The following MMP26 variants were observed in gnomAD, a reference collection of about 807,000 sequenced individuals.
MMP26 encodes the protein matrix metalloproteinase-26.
A neutral mutation model predicts 31.0 loss-of-function variants in MMP26; 33 were observed. That is an observed-to-expected ratio of 1.06 (90% CI 0.81 to 1.42). The LOEUF is 1.42. Among genes scored for constraint, MMP26 ranks in the 40% most tolerant of loss-of-function variants. The probability of loss-of-function intolerance (pLI) is 0.00; values close to 1 mark genes in which losing one functional copy is unlikely to be tolerated. For missense variants in MMP26, 347 were observed against 316.1 expected (o/e 1.10, Z -0.74); for synonymous variants, 122 against 114.9 (o/e 1.06, Z -0.40).
At chr11:4,805,059 T>G (rs913758765) in intron 2 of MMP26, among the ~76,000 whole-genome samples, 2 of 152,312 alleles carry the variant, frequency 1.3e-5, no homozygotes, top group African/African-American at 4.8e-5. Flanking sequence ...ATAGTAATTC[T>G]TGCTCTTCAG....
intron 2 of MMP26, among the ~76,000 whole-genome samples, chr11:4,936,900 T>G (rs1375467159): frequency 6.6e-6 from 1 of 152,158 alleles, no homozygotes; most frequent in Non-Finnish European, 1.5e-5. Context: ...TATACATATT[T>G]TAAAATTTTT....
At chr11:4,712,498 A>T (rs1847874769) in intron 1 of MMP26, 1 of 152,122 alleles carries the variant, frequency 6.6e-6, no homozygotes, top group Non-Finnish European at 1.5e-5. Context: ...TATAATATGC[A>T]CTCATTTCTA....
At chr11:4,754,919 C>T (rs1218445655) in intron 1 of MMP26, among the ~76,000 whole-genome samples, 1 of 151,960 alleles carries the variant, frequency 6.6e-6, no homozygotes, top group Non-Finnish European at 1.5e-5. Context: ...GTCTTCTTCA[C>T]AGAACCACAA....
rs1187976540 is a variant in MMP26, at chr11:4,948,145, T to C, written c.-144-39923T>C. On this transcript the variant is annotated intron_variant, in intron 2 of 7. Transcript: ENST00000380390. ...ACAAGTTTTTCTCCCTTACCAAATC[T>C]TCCCTGTTTAAGGGACCTACTTCGG... is the stretch of plus-strand genomic sequence containing the variant. 1.6e-5 allele frequency among the ~76,000 whole-genome samples: 2 copies of C among 124,830 alleles called. 1 individual carries two copies. Among genetic ancestry groups the C allele is most frequent in the Non-Finnish European group, 3.6e-5 (2 of 55,010 alleles). The allele number at this position is 124,830 out of a possible 152,430, so 81.9% of individuals were successfully genotyped here.
intron 2 of MMP26, among the ~76,000 whole-genome samples, chr11:4,968,922 C>A: frequency 6.6e-6 from 1 of 151,924 alleles, no homozygotes; most frequent in Non-Finnish European, 1.5e-5. Context: ...ATACAATTAC[C>A]TTTTTCTTTC....
rs1358982687 is a variant in MMP26 at position 4,781,597 on chromosome 11, A to C, written c.-145+14256A>C. Among the ~76,000 whole-genome samples the C allele has an allele frequency of 1.5e-4, 9 of 60,884 alleles. No individual in the cohort carries two copies. In the South Asian group the frequency reaches 1.8e-3, roughly 12 times the overall value. 39.9% of individuals were successfully genotyped at this position (60,884 alleles called of 152,430 possible). On this transcript the variant is annotated intron_variant, in intron 2 of 7. Coordinates refer to ENST00000380390, the MANE Select transcript of MMP26 (RefSeq NM_021801.5). ...AAAAAAAAAAAAAAAAAAAAAAAAA[A>C]AAAAAAAAAACTGATTGCATAATCA...
At chr11:4,915,313 G>A (rs759360612) in intron 2 of MMP26, 4 of 1,613,988 alleles carry the variant, frequency 2.5e-6, no homozygotes, top group Non-Finnish European at 2.5e-6. Context: ...GTAGCACAGA[G>A]GACTCGAGGA....
At position 4,977,455 on chromosome 11, in the gene MMP26, G is replaced by T. The variant is rs576756095; in HGVS notation, c.-144-10613G>T. On this transcript the variant is annotated intron_variant, in intron 2 of 7. Coordinates refer to ENST00000380390, the MANE Select transcript of MMP26 (RefSeq NM_021801.5). ...TTGGATGTAGTCTTTAAATGGGAGG[G>T]GTCATGACTTTGGATAAAGTGGTTC... Among the ~76,000 whole-genome samples the T allele has an allele frequency of 8.5e-5, 13 of 152,072 alleles. No individual in the cohort carries two copies. The East Asian group carries it at 2.3e-3, about 27-fold the overall frequency.
chr11:4,713,588 T>C (rs1240727951), intron 1 of MMP26, among the ~76,000 whole-genome samples: 3 of 152,162 alleles, frequency 2.0e-5, no homozygotes, highest in African/African-American at 7.2e-5. Context: ...GACTCTGTTT[T>C]ATTCTCTGTA....
chr11:4,831,266 G>T (rs1167714255), intron 2 of MMP26, among the ~76,000 whole-genome samples: 1 of 152,096 alleles, frequency 6.6e-6, no homozygotes. Flanking sequence ...GCTGCCACTG[G>T]CCATCTAAGT....
chr11:4,714,106 A>T (rs1847895239), intron 1 of MMP26, among the ~76,000 whole-genome samples: 1 of 152,200 alleles, frequency 6.6e-6, no homozygotes, highest in Non-Finnish European at 1.5e-5. Context: ...GAAAACAGGC[A>T]GGAAAGAACA....
At chr11:4,749,884 A>C (rs998293084) in intron 1 of MMP26, among the ~76,000 whole-genome samples, 1 of 152,178 alleles carries the variant, frequency 6.6e-6, no homozygotes, top group African/African-American at 2.4e-5. Context: ...GGAGTTCATG[A>C]CTAAGACCTC....
intron 1 of MMP26, among the ~76,000 whole-genome samples, chr11:4,762,966 T>A (rs77249935): frequency 0.017 from 2,584 of 152,308 alleles, 65 homozygotes; most frequent in African/African-American, 0.057. Context: ...TACACAGGAT[T>A]GGGATTTAGT....
At chr11:4,841,900 T>G (rs1849801786) in intron 2 of MMP26, among the ~76,000 whole-genome samples, 1 of 152,218 alleles carries the variant, frequency 6.6e-6, no homozygotes, top group African/African-American at 2.4e-5. Context: ...GCCACTGCAC[T>G]GCAGCCTGGG....
chr11:4,833,842 C>T (rs561545547), intron 2 of MMP26, among the ~76,000 whole-genome samples: 1 of 152,102 alleles, frequency 6.6e-6, no homozygotes, highest in Non-Finnish European at 1.5e-5. Context: ...GGGACTGAAA[C>T]TTTGGTGCTC....
At chr11:4,923,305 C>T in intron 2 of MMP26, 2 of 1,474,240 alleles carry the variant, frequency 1.4e-6, no homozygotes, top group Non-Finnish European at 1.8e-6. Context: ...ATTATTTTGC[C>T]ACAGCACAGC....
rs536106745 is a variant in MMP26 at position 4,933,895 on chromosome 11, A to T, written c.-144-54173A>T. On this transcript the variant is annotated intron_variant, in intron 2 of 7. Coordinates refer to ENST00000380390, the MANE Select transcript of MMP26 (RefSeq NM_021801.5). Reference sequence around the variant, plus strand: ...AATTTCATCCATGTCCCTACAAAGGACGTGAACTCATCATTTTTTATGGCT... The same window carrying T: ...AATTTCATCCATGTCCCTACAAAGGTCGTGAACTCATCATTTTTTATGGCT... Among the ~76,000 whole-genome samples, 206 of 149,482 alleles carry T rather than the reference A, an allele frequency of 1.4e-3. 5 individuals carry two copies. Among genetic ancestry groups the T allele is most frequent in the Non-Finnish European group, 2.4e-3 (164 of 67,058 alleles).
chr11:4,865,779 T>G (rs1195441224), intron 2 of MMP26, among the ~76,000 whole-genome samples: 3 of 152,102 alleles, frequency 2.0e-5, no homozygotes, highest in Non-Finnish European at 2.9e-5. Flanking sequence ...CAACTAAGAC[T>G]GGAAAACTCA....
intron 2 of MMP26, among the ~76,000 whole-genome samples, chr11:4,890,979 GAATAATAATAATAATAATAAT>G (rs71050436): frequency 1.3e-3 from 172 of 137,114 alleles, no homozygotes; most frequent in African/African-American, 4.2e-3. Flanking sequence ...AATGAACTCA[GAATAATAATAATAATAATAAT>G]AATAATAATA....
Sources: allele counts gnomAD v4.1 joint callset (sites outside exome capture counted in the v4.1 genomes callset), GRCh38; gene constraint gnomAD v4.1.1; transcripts MANE v1.5; gene names NCBI Gene and HGNC (gene_info 2026-07-23, HGNC 2026-07-21).